The following MX1 variants were observed in gnomAD, a reference collection of about 807,000 sequenced individuals.
The protein encoded by MX1 is MX dynamin like GTPase 1, also known as interferon-induced GTP-binding protein Mx1.
A neutral mutation model predicts 66.4 loss-of-function variants in MX1; 66 were observed. The ratio of observed to expected loss-of-function variants is 0.99; its 90% CI spans 0.82 to 1.22. The LOEUF (loss-of-function observed/expected upper bound fraction) is 1.22. Among genes scored for constraint, MX1 ranks in the 50% most tolerant of loss-of-function variants. The pLI is 0.00. For synonymous variants in MX1, 311 were observed against 318.1 expected (o/e 0.98, Z 0.24); for missense variants, 787 against 834.3 (o/e 0.94, Z 0.70).
At chr21:41,438,899 C>G (rs1376936056) in intron 7 of MX1, among the ~76,000 whole-genome samples, 1 of 152,150 alleles carries the variant, frequency 6.6e-6, no homozygotes, top group East Asian at 1.9e-4. Flanking sequence ...CCAAGGCCCC[C>G]CCGTGACTTA....
chr21:41,442,057 A>G (rs2090537697), intron 10 of MX1, 143 bp downstream of exon 10: 4 of 743,572 alleles, frequency 5.4e-6, no homozygotes, highest in Admixed American at 4.7e-5. Flanking sequence ...GTGTGTGACT[A>G]TGCTTGTTCC....
intron 14 of MX1, 60 bp from the exon 15 acceptor site, chr21:41,451,104 TGCA>T: frequency 1.8e-6 from 2 of 1,096,548 alleles, no homozygotes; most frequent in African/African-American, 1.6e-5. Flanking sequence ...CATATTTTTT[TGCA>T]TCTTAAGAAG....
rs2090184303 is a variant in MX1, at chr21:41,430,532, G to C, written c.-97-1G>C. The C allele has an allele frequency of 6.6e-6, 1 of 152,092 alleles. No homozygotes were observed. 9.4% of individuals were successfully genotyped at this position (152,092 alleles called of 1,614,324 possible). A position where few individuals can be genotyped will look rare whatever the true frequency, so the allele number is the denominator to read the frequency against. The stretch of plus-strand genomic sequence containing the variant: ...ACTTGTACACTTTGCTTGATTTCAA[G>C]GAGGTGCAGGAGAACAGCTCTGTGA... On this transcript the variant is annotated splice_acceptor_variant, in intron 3 of 16. Coordinates refer to ENST00000398598, the MANE Select transcript of MX1 (RefSeq NM_002462.5). LOFTEE classifies it low-confidence loss of function (5UTR_SPLICE).
chr21:41,441,887 T>A lies in MX1; in HGVS notation c.902T>A (p.Ile301Asn). The stretch of plus-strand genomic sequence containing the variant: ...TCCGAAGCCCTGCAGAGAGAGAAGA[T>A]CTTCTTTGAGAACCACCCATATTTC... ...SLSEALQREK[I>N]FFENHPYFRD... Residue 301 changes from isoleucine (I) to asparagine (N), a missense_variant, in exon 10 of 17, where the codon ATC becomes AAC. Transcript: ENST00000398598. The surrounding 1 kb of genome is among the most constrained non-coding windows in gnomAD (Gnocchi z 4.0). 4 of 1,614,084 alleles carry A rather than the reference T, an allele frequency of 2.5e-6. No individual in the cohort carries two copies. The highest frequency in any genetic ancestry group is 3.4e-6 in the Non-Finnish European group (4 of 1,180,014).
rs776845215 is a variant in MX1, at chr21:41,444,662, T to TC, written c.1009-783dup. ...ATGATGAGTGCAGAGCTCTCTGGGG[T>TC]CCCACTGTATGCAGAAAGAGGATGC... On this transcript the variant is annotated intron_variant, in intron 11 of 16. Transcript: ENST00000398598. Among the ~76,000 whole-genome samples, 3 of 151,974 alleles carry TC rather than the reference T, an allele frequency of 2.0e-5. No homozygotes were observed. In the East Asian group the frequency reaches 5.8e-4, roughly 29 times the overall value.
intron 10 of MX1, chr21:41,443,546 A>G (rs1299873040): frequency 3.7e-6 from 2 of 536,944 alleles, no homozygotes; most frequent in Admixed American, 6.6e-5. Flanking sequence ...ACACCATGAT[A>G]CACATTTATT....
chr21:41,438,819 T>C (rs965205991), intron 7 of MX1, among the ~76,000 whole-genome samples: 1 of 152,188 alleles, frequency 6.6e-6, no homozygotes, highest in Non-Finnish European at 1.5e-5. Flanking sequence ...CCAGAGCTGA[T>C]TGGGGATTCC....
chr21:41,449,312 A>G lies in MX1; in HGVS notation c.1432+17A>G. The G allele has an allele frequency of 6.3e-7, 1 of 1,593,016 alleles. No homozygotes were observed. The highest frequency in any genetic ancestry group is 8.5e-7 in the Non-Finnish European group (1 of 1,172,014). On this transcript the variant is annotated intron_variant, in intron 14 of 16. Transcript: ENST00000398598. ...CCGTGACGGGTGAGTGCTCAGTTTC[A>G]CCTCTGAGCATTGATTTCTAAAGAA...
chr21:41,458,618 C>G lies in MX1; in HGVS notation c.1849C>G (p.Leu617Val), dbSNP rs565509802. ...CGGCCAGCAGCTTCAGAAGGCCATG[C>G]TGCAGCTCCTGCAGGACAAGGACAC... ...TYGQQLQKAMLQLLQDKDTYS... is the reference protein window; with the variant it reads ...TYGQQLQKAMVQLLQDKDTYS... The change falls in exon 17 of 17, where the codon CTG (leucine) becomes GTG (valine). Residue 617 changes from leucine (L) to valine (V), a missense_variant. Physicochemically the swap from Leu to Val is conservative, Grantham distance 32 (BLOSUM62 1). Transcript: ENST00000398598. The G allele has an allele frequency of 1.2e-6, 2 of 1,614,190 alleles. No homozygotes were observed. Among genetic ancestry groups the G allele is most frequent in the Non-Finnish European group, 1.7e-6 (2 of 1,180,032 alleles).
rs2090387499 is a variant in MX1 at position 41,437,130 on chromosome 21, G to T, written c.414G>T (p.Glu138Asp). 6.2e-7 allele frequency: 1 copy of T among 1,613,972 alleles called. No individual in the cohort carries two copies. Among genetic ancestry groups the T allele is most frequent in the East Asian group, 2.2e-5 (1 of 44,874 alleles). Residue 138 changes from glutamate to aspartate, a missense_variant, in exon 7 of 17, where the codon GAG (glutamate) becomes GAT (aspartate). Transcript: ENST00000398598. ...AGATTGAGATTTCGGATGCTTCAGA[G>T]GTAGAAAAGGAAATTAATAAAGGTG... ...DYEIEISDAS[E>D]VEKEINKAQN...
At chr21:41,456,955 T>C (rs2090974345) in intron 16 of MX1, among the ~76,000 whole-genome samples, 1 of 151,958 alleles carries the variant, frequency 6.6e-6, no homozygotes, top group South Asian at 2.1e-4. Context: ...AGAGACGGGG[T>C]TTCACCATAT....
chr21:41,424,421 C>T (rs186816336), upstream of MX1, among the ~76,000 whole-genome samples: 135 of 152,294 alleles, frequency 8.9e-4, no homozygotes, highest in African/African-American at 3.1e-3. Flanking sequence ...GGCTCCTCCC[C>T]CTCTTGTAGG....
chr21:41,421,110 A>G (rs954951259), intron 1 of MX1, among the ~76,000 whole-genome samples: 1 of 152,226 alleles, frequency 6.6e-6, no homozygotes, highest in African/African-American at 2.4e-5. Flanking sequence ...GTGGGGAGAG[A>G]GTCAGCAGAC....
In MX1 at chr21:41,439,711, G is replaced by A. The variant is rs142294097; in HGVS notation, c.454G>A (p.Gly152Arg). Reference protein sequence around the residue: ...EINKAQNAIAGEGMGISHELI... With the variant: ...EINKAQNAIAREGMGISHELI... ...TTTTCTAGCCCAGAATGCCATCGCC[G>A]GGGAAGGAATGGGAATCAGTCATGA... is the stretch of plus-strand genomic sequence containing the variant. Residue 152 changes from glycine to arginine, a missense_variant, in exon 8 of 17, where the codon GGG becomes AGG. By Grantham distance (125) the Gly-to-Arg change is moderately radical (BLOSUM62 -2). Transcript: ENST00000398598. 90 of 1,613,618 alleles carry A rather than the reference G, an allele frequency of 5.6e-5. No individual in the cohort carries two copies. The highest frequency in any genetic ancestry group is 7.0e-5 in the Non-Finnish European group (82 of 1,179,660).
At chr21:41,450,050 G>A (rs1354061140) in intron 14 of MX1, among the ~76,000 whole-genome samples, 2 of 152,176 alleles carry the variant, frequency 1.3e-5, no homozygotes, top group Non-Finnish European at 2.9e-5. Context: ...GGGGCTCTAT[G>A]TTAGGAAATG....
chr21:41,422,826 A>G (rs1601451206), upstream of MX1: 1 of 152,278 alleles, frequency 6.6e-6, no homozygotes, highest in East Asian at 1.9e-4. Context: ...AGCTCTACCA[A>G]TATGGAACCC....
At chr21:41,447,853 A>G (rs570968709) in intron 13 of MX1, among the ~76,000 whole-genome samples, 2 of 151,936 alleles carry the variant, frequency 1.3e-5, no homozygotes, top group Non-Finnish European at 2.9e-5. Context: ...CTCCTGCTTC[A>G]GCCTCCACCT....
At chr21:41,440,397 A>T (rs1163372714) in intron 8 of MX1, among the ~76,000 whole-genome samples, 1 of 151,958 alleles carries the variant, frequency 6.6e-6, no homozygotes, top group Non-Finnish European at 1.5e-5. Flanking sequence ...TACTAGGAGG[A>T]TTGCTTGAAC....
chr21:41,421,238 T>G (rs903523311), upstream of MX1: 8 of 152,332 alleles, frequency 5.3e-5, no homozygotes, highest in Non-Finnish European at 7.3e-5. Flanking sequence ...GCTGCCTGCA[T>G]GTCCCACCTC....
Sources: gnomAD v4.1 joint callset for allele counts (sites outside exome capture counted in the v4.1 genomes callset) on GRCh38, gnomAD v4.1.1 for gene constraint, Gnocchi (gnomAD v3.1) non-coding constraint, MANE v1.5 for transcripts, NCBI Gene and HGNC (gene_info 2026-07-23, HGNC 2026-07-21) for gene names.